The following H6PD variants were observed in gnomAD, a reference collection of about 807,000 sequenced individuals.
The protein encoded by H6PD is hexose-6-phosphate dehydrogenase/glucose 1-dehydrogenase, also known as GDH/6PGL endoplasmic bifunctional protein.
H6PD carries 48 observed loss-of-function variants against 61.2 expected under a neutral mutation model. The observed-to-expected ratio is 0.78, with a 90% CI of 0.62 to 1.00. The LOEUF is 1.00. Among genes scored for constraint, H6PD ranks in the 50% least tolerant of loss-of-function variants. The probability of loss-of-function intolerance (pLI) is 0.00; values close to 1 mark genes in which losing one functional copy is unlikely to be tolerated. For missense variants in H6PD, 1,093 were observed against 1,065.0 expected (o/e 1.03, Z -0.37); for synonymous variants, 480 against 457.9 (o/e 1.05, Z -0.62).
At position 9,265,274 on chromosome 1, in the gene H6PD, G is replaced by C. The variant is rs903505408; in HGVS notation, c.*405G>C. ...AGGTTTCCTGGGGGAGGTGATCCTT[G>C]AACTGGCTCCCGGGGAACATTCAGA... is the stretch of plus-strand genomic sequence containing the variant. On this transcript the variant is annotated 3_prime_UTR_variant, in exon 5 of 5. Coordinates refer to ENST00000377403, the MANE Select transcript of H6PD (RefSeq NM_004285.4). The C allele has an allele frequency of 5.6e-6, 2 of 358,732 alleles. No individual in the cohort carries two copies. The highest frequency in any genetic ancestry group is 7.2e-5 in the East Asian group (1 of 13,964). 22.2% of individuals were successfully genotyped at this position (358,732 alleles called of 1,614,324 possible).
At chr1:9,241,114 A>G (rs574862414) in intron 1 of H6PD, among the ~76,000 whole-genome samples, 2 of 152,292 alleles carry the variant, frequency 1.3e-5, no homozygotes, top group Admixed American at 6.5e-5. Context: ...CTGTAGCCCC[A>G]GGAGAGGAGG....
rs41280760 is a variant in H6PD, at chr1:9,264,942, C to T, written c.*73C>T. On this transcript the variant is annotated 3_prime_UTR_variant, in exon 5 of 5. Coordinates refer to ENST00000377403, the MANE Select transcript of H6PD (RefSeq NM_004285.4). ...CGTGTCTTCCCTCCCTTCTCGGCCC[C>T]GCCACCTGCCCAGCGTGCCCTGGCT... 23,621 of 1,528,800 alleles carry T rather than the reference C, an allele frequency of 0.015. 242 individuals are homozygous for T. The highest frequency in any genetic ancestry group is 0.037 in the Middle Eastern group (162 of 4,338). The allele number at this position is 1,528,800 out of a possible 1,614,324, so 94.7% of individuals were successfully genotyped here.
chr1:9,237,081 A>G (rs1347734444), intron 1 of H6PD, among the ~76,000 whole-genome samples: 2 of 152,082 alleles, frequency 1.3e-5, no homozygotes, highest in East Asian at 1.9e-4. Flanking sequence ...TTCAGTATCT[A>G]CACTGATACA....
Position 9,263,966 on chromosome 1 carries a change from G to A in H6PD, c.1473G>A (p.Glu491=). 6.2e-7 allele frequency: 1 copy of A among 1,614,210 alleles called. No homozygotes were observed. Among genetic ancestry groups the A allele is most frequent in the Non-Finnish European group, 8.5e-7 (1 of 1,180,032 alleles). Residue 491 remains glutamate, a synonymous_variant, in exon 5 of 5, where the codon GAG becomes GAA. Transcript: ENST00000377403. ...GGAACTTCTGGACCCCTCTGCTGGA[G>A]AGCCTGGCCCATAAGGCCCCACGCC... ...ASWNFWTPLL[E]SLAHKAPRLY...
At position 9,264,902 on chromosome 1, in the gene H6PD, G is replaced by A. The variant is rs1638505164; in HGVS notation, c.*33G>A. 5.0e-6 allele frequency: 8 copies of A among 1,607,546 alleles called. No individual in the cohort carries two copies. The highest frequency in any genetic ancestry group is 6.8e-6 in the Non-Finnish European group (8 of 1,179,448). On this transcript the variant is annotated 3_prime_UTR_variant, in exon 5 of 5. Transcript: ENST00000377403. ...TGTGCCCCTTGCCCGCTTCGCTCCT[G>A]TGCTTTCCTTCGCCCGTGTCTTCCC...
intron 3 of H6PD, among the ~76,000 whole-genome samples, chr1:9,249,296 A>G (rs1283839273): frequency 6.6e-6 from 1 of 152,172 alleles, no homozygotes; most frequent in Non-Finnish European, 1.5e-5. Flanking sequence ...GACCAGGCAG[A>G]TTGCAGGCCC....
In H6PD at chr1:9,264,305, G is replaced by A. The variant is rs781339773; in HGVS notation, c.1812G>A (p.Thr604=). The A allele has an allele frequency of 4.4e-5, 71 of 1,611,100 alleles. No individual in the cohort carries two copies. The highest frequency in any genetic ancestry group is 2.0e-4 in the Admixed American group (12 of 59,970). ...SPVALFQQLA[T]AHYGFPWAHT... ...TGGCCCTGTTCCAGCAGCTGGCCAC[G>A]GCGCACTATGGCTTCCCCTGGGCCC... is the stretch of plus-strand genomic sequence containing the variant. Residue 604 remains threonine (T), a synonymous_variant, in exon 5 of 5, where the codon ACG becomes ACA. Transcript: ENST00000377403.
intron 1 of H6PD, among the ~76,000 whole-genome samples, chr1:9,241,972 A>C (rs1050867113): frequency 8.5e-5 from 13 of 152,180 alleles, no homozygotes; most frequent in African/African-American, 2.7e-4. Flanking sequence ...CTTGGTTAAC[A>C]TAGGTATTAT....
intron 3 of H6PD, among the ~76,000 whole-genome samples, chr1:9,249,864 GC>G (rs1641304853): frequency 6.6e-6 from 1 of 152,200 alleles, no homozygotes. Context: ...GCTGAGCCCA[GC>G]CCCCCAGCAA....
At position 9,247,029 on chromosome 1, in the gene H6PD, CG is replaced by C; in HGVS notation, c.693del (p.His232ThrfsTer10). The C allele has an allele frequency of 2.5e-6, 4 of 1,614,014 alleles. No individual in the cohort carries two copies. The highest frequency in any genetic ancestry group is 3.4e-6 in the Non-Finnish European group (4 of 1,179,942). ...NRKALDGLWN[R>X]HHVERVEIIM... The stretch of plus-strand genomic sequence containing the variant: ...CAAGGCTTTGGACGGCCTCTGGAAC[CG>C]GCACCATGTGGAGCGGGTGGAGATC... On this transcript the variant is annotated frameshift_variant, in exon 3 of 5. Transcript: ENST00000377403. LOFTEE classifies it high-confidence loss of function.
chr1:9,260,625 G>A (rs921172727), intron 3 of H6PD, among the ~76,000 whole-genome samples: 7 of 151,724 alleles, frequency 4.6e-5, no homozygotes, highest in Non-Finnish European at 7.4e-5. Context: ...GTTATGTTAC[G>A]CCAATGTTGT....
rs1638689430 is a variant in H6PD, at chr1:9,269,692, T to TAAAACAAAAACCCCACCTTCTG, written c.*4824_*4845dup. The TAAAACAAAAACCCCACCTTCTG allele has an allele frequency of 2.0e-5, 3 of 152,222 alleles. No homozygotes were observed. The allele number at this position is 152,222 out of a possible 1,614,324, so 9.4% of individuals were successfully genotyped here. A position where few individuals can be genotyped will look rare whatever the true frequency, so the allele number is the denominator to read the frequency against. ...TGCAGCACACTGGGCAGTCTCCCTA[T>TAAAACAAAAACCCCACCTTCTG]AAAACAAAAACCCCACCTTCTGTGC... is the stretch of plus-strand genomic sequence containing the variant. On this transcript the variant is annotated 3_prime_UTR_variant, in exon 5 of 5. Transcript: ENST00000377403. This position sits in a 1 kb window ranked among gnomAD's most constrained non-coding sequence, Gnocchi z 4.3.
At chr1:9,238,075 C>T (rs1030654422) in intron 1 of H6PD, among the ~76,000 whole-genome samples, 3 of 151,996 alleles carry the variant, frequency 2.0e-5, no homozygotes, top group Non-Finnish European at 4.4e-5. Flanking sequence ...TGGGGGTGGG[C>T]GGTTTACAAT....
intron 3 of H6PD, among the ~76,000 whole-genome samples, chr1:9,248,067 C>T (rs550891890): frequency 6.6e-6 from 1 of 152,218 alleles, no homozygotes; most frequent in Non-Finnish European, 1.5e-5. Flanking sequence ...CAGTCTGGCC[C>T]CAGCACTCAG....
At chr1:9,255,925 T>C (rs970454731) in intron 3 of H6PD, among the ~76,000 whole-genome samples, 1 of 152,202 alleles carries the variant, frequency 6.6e-6, no homozygotes, top group Non-Finnish European at 1.5e-5. Flanking sequence ...TTCACACCGT[T>C]CTGTTGTAGG....
chr1:9,253,072 C>A (rs1244601017), intron 3 of H6PD, among the ~76,000 whole-genome samples: 1 of 152,176 alleles, frequency 6.6e-6, no homozygotes, highest in Non-Finnish European at 1.5e-5. Flanking sequence ...AGCAGGAGGG[C>A]CAGCCCCTCG....
At chr1:9,243,272 T>A (rs898382055) in intron 1 of H6PD, among the ~76,000 whole-genome samples, 14 of 152,008 alleles carry the variant, frequency 9.2e-5, no homozygotes, top group Admixed American at 4.6e-4. Flanking sequence ...GGTGGAGAGG[T>A]CATTGGGCTG....
At chr1:9,235,767 C>T (rs942060104) in intron 1 of H6PD, among the ~76,000 whole-genome samples, 2 of 152,096 alleles carry the variant, frequency 1.3e-5, no homozygotes, top group African/African-American at 4.8e-5. Flanking sequence ...CACACCACCA[C>T]GCCTGGCTAA....
At chr1:9,256,497 C>G (rs1235555240) in intron 3 of H6PD, among the ~76,000 whole-genome samples, 1 of 152,150 alleles carries the variant, frequency 6.6e-6, no homozygotes, top group Non-Finnish European at 1.5e-5. Context: ...GGTTGTTCCC[C>G]CAGCCATGAC....
Sources: allele counts gnomAD v4.1 joint callset (sites outside exome capture counted in the v4.1 genomes callset), GRCh38; gene constraint gnomAD v4.1.1; non-coding constraint Gnocchi (gnomAD v3.1); transcripts MANE v1.5; gene names NCBI Gene and HGNC (gene_info 2026-07-23, HGNC 2026-07-21).